MARCHF1: variants seen among roughly 807,000 people sequenced by gnomAD.
MARCHF1 encodes the protein E3 ubiquitin-protein ligase MARCHF1.
Under a neutral mutation model 54.2 loss-of-function variants are expected in MARCHF1, and 40 were observed. The observed-to-expected ratio is 0.74, with a 90% CI of 0.57 to 0.96. The LOEUF is 0.96. Among genes scored for constraint, MARCHF1 ranks in the 40% least tolerant of loss-of-function variants. The probability of loss-of-function intolerance (pLI) is 0.00; values close to 1 mark genes in which losing one functional copy is unlikely to be tolerated. For missense variants in MARCHF1, 586 were observed against 656.5 expected (o/e 0.89, Z 1.17); for synonymous variants, 236 against 236.3 (o/e 1.00, Z 0.01).
At chr4:164,349,474 T>C (rs977509349) in intron 1 of MARCHF1, among the ~76,000 whole-genome samples, 3 of 152,184 alleles carry the variant, frequency 2.0e-5, no homozygotes, top group African/African-American at 4.8e-5. Context: ...TATCAATCTT[T>C]ATATAAGAAA....
At chr4:163,631,798 G>T (rs10021791) in intron 5 of MARCHF1, among the ~76,000 whole-genome samples, 15,782 of 152,170 alleles carry the variant, frequency 0.1, 1,438 homozygotes, top group African/African-American at 0.24. Flanking sequence ...GGGCAGCAAA[G>T]GTAAAGAGAT....
At chr4:163,758,759 ACCT>A (rs1295541015) in intron 4 of MARCHF1, among the ~76,000 whole-genome samples, 1 of 152,006 alleles carries the variant, frequency 6.6e-6, no homozygotes, top group Non-Finnish European at 1.5e-5. Context: ...CTTGGTTCTG[ACCT>A]CCTAAAATGC....
intron 2 of MARCHF1, among the ~76,000 whole-genome samples, chr4:163,992,970 T>C (rs1752996566): frequency 6.6e-6 from 1 of 151,898 alleles, no homozygotes; most frequent in East Asian, 1.9e-4. Context: ...CAAAGTGTCA[T>C]TGCAAAGAGT....
chr4:164,134,651 A>G (rs1240647720), intron 1 of MARCHF1, among the ~76,000 whole-genome samples: 1 of 152,140 alleles, frequency 6.6e-6, no homozygotes, highest in Non-Finnish European at 1.5e-5. Flanking sequence ...CTTAAGAAAT[A>G]GACATGACTG....
At chr4:164,170,937 T>C (rs1001703191) in intron 1 of MARCHF1, among the ~76,000 whole-genome samples, 6 of 152,124 alleles carry the variant, frequency 3.9e-5, no homozygotes, top group Non-Finnish European at 7.4e-5. Flanking sequence ...ACGGCTCCTA[T>C]GTATGTTAAC....
intron 2 of MARCHF1, among the ~76,000 whole-genome samples, chr4:164,033,452 G>T (rs1488791150): frequency 1.3e-5 from 2 of 152,122 alleles, no homozygotes; most frequent in Non-Finnish European, 2.9e-5. Flanking sequence ...AAGAGCTTCT[G>T]CACAGCAAAA....
chr4:163,686,866 G>T (rs944404591), intron 5 of MARCHF1, among the ~76,000 whole-genome samples: 1 of 151,992 alleles, frequency 6.6e-6, no homozygotes, highest in Admixed American at 6.6e-5. Flanking sequence ...TTAAATAATT[G>T]CAATAATTTT....
chr4:164,147,991 A>T lies in MARCHF1; in HGVS notation c.-322-36329T>A, dbSNP rs796199471. On this transcript the variant is annotated intron_variant, in intron 1 of 9. Coordinates refer to ENST00000514618, the MANE Select transcript of MARCHF1 (RefSeq NM_001394959.1). Reference sequence around the variant, plus strand: ...TATTCAAATTTGCTGAAAATTTGATAAAACAAAATACATTCATATTTTATT... The same window carrying T: ...TATTCAAATTTGCTGAAAATTTGATTAAACAAAATACATTCATATTTTATT... Among the ~76,000 whole-genome samples the T allele has an allele frequency of 1.2e-3, 190 of 152,256 alleles. 2 individuals are homozygous for T. Among genetic ancestry groups the T allele is most frequent in the African/African-American group, 4.4e-3 (183 of 41,562 alleles).
intron 3 of MARCHF1, among the ~76,000 whole-genome samples, chr4:163,869,678 T>A (rs1367461686): frequency 1.3e-5 from 2 of 152,066 alleles, no homozygotes; most frequent in Non-Finnish European, 2.9e-5. Flanking sequence ...ATTATAAAAG[T>A]CTACTTTTTT....
chr4:163,976,457 A>G (rs1752651706), intron 3 of MARCHF1, among the ~76,000 whole-genome samples: 1 of 152,198 alleles, frequency 6.6e-6, no homozygotes, highest in African/African-American at 2.4e-5. Context: ...TGTGGCCACA[A>G]GGCAAACTAT....
chr4:164,030,220 T>C (rs1192829998), intron 2 of MARCHF1, among the ~76,000 whole-genome samples: 1 of 151,930 alleles, frequency 6.6e-6, no homozygotes, highest in African/African-American at 2.4e-5. Flanking sequence ...AAATATTTTA[T>C]AAAACAGAGT....
chr4:163,722,871 T>G (rs896291129), intron 4 of MARCHF1, among the ~76,000 whole-genome samples: 2 of 152,218 alleles, frequency 1.3e-5, no homozygotes, highest in Non-Finnish European at 2.9e-5. Context: ...GTTTTCCATT[T>G]GCTTGGTAGA....
chr4:163,604,703 G>A (rs978782587), intron 7 of MARCHF1, among the ~76,000 whole-genome samples: 1 of 152,088 alleles, frequency 6.6e-6, no homozygotes, highest in Non-Finnish European at 1.5e-5. Context: ...GGAAGTCCAT[G>A]ATTGGATTCC....
intron 4 of MARCHF1, among the ~76,000 whole-genome samples, chr4:163,734,096 A>T (rs1199864209): frequency 6.6e-6 from 1 of 152,240 alleles, no homozygotes; most frequent in Non-Finnish European, 1.5e-5. Flanking sequence ...AATTAAATCC[A>T]CAGTGAGATA....
At chr4:163,898,824 G>T (rs996193191) in intron 3 of MARCHF1, among the ~76,000 whole-genome samples, 1 of 152,102 alleles carries the variant, frequency 6.6e-6, no homozygotes. Context: ...AGAAAATGCG[G>T]TATATATACA....
At position 164,065,817 on chromosome 4, in the gene MARCHF1, C is replaced by T. The variant is rs569085025; in HGVS notation, c.-248+45771G>A. Among the ~76,000 whole-genome samples, 5 of 152,302 alleles carry T rather than the reference C, an allele frequency of 3.3e-5. No homozygotes were observed. In the East Asian group the frequency reaches 9.6e-4, roughly 29 times the overall value. On this transcript the variant is annotated intron_variant, in intron 2 of 9. Coordinates refer to ENST00000514618, the MANE Select transcript of MARCHF1 (RefSeq NM_001394959.1). ...TCCAAGAGTTCAAAGGCCAAAGAACCTGGAGTCTGATGTCCAGGGCAGGAG... is the reference window on the plus strand; with the variant it reads ...TCCAAGAGTTCAAAGGCCAAAGAACTTGGAGTCTGATGTCCAGGGCAGGAG...
chr4:163,884,723 C>T (rs997794397), intron 3 of MARCHF1, among the ~76,000 whole-genome samples: 2 of 152,164 alleles, frequency 1.3e-5, no homozygotes, highest in African/African-American at 4.8e-5. Flanking sequence ...TGTCCTTCAA[C>T]TTGGTTTCAA....
chr4:164,086,458 C>T (rs749130813), intron 2 of MARCHF1, among the ~76,000 whole-genome samples: 7 of 151,872 alleles, frequency 4.6e-5, no homozygotes, highest in Admixed American at 6.6e-5. Context: ...AGTTTCATCA[C>T]GAAAAGTTCA....
intron 1 of MARCHF1, among the ~76,000 whole-genome samples, chr4:164,193,759 G>A (rs1371593810): frequency 6.6e-6 from 1 of 152,120 alleles, no homozygotes; most frequent in African/African-American, 2.4e-5. Context: ...AAATCACCCT[G>A]CATCTGTCAA....
Sources: gnomAD v4.1 joint callset for allele counts (sites outside exome capture counted in the v4.1 genomes callset) on GRCh38, gnomAD v4.1.1 for gene constraint, MANE v1.5 for transcripts, NCBI Gene and HGNC (gene_info 2026-07-23, HGNC 2026-07-21) for gene names.